The following DHRS1 variants were observed in gnomAD, a reference collection of about 807,000 sequenced individuals.
DHRS1 encodes dehydrogenase/reductase 1.
In DHRS1, 34 loss-of-function variants were observed where a neutral mutation model predicts 35.2. The ratio of observed to expected loss-of-function variants is 0.97; its 90% CI spans 0.74 to 1.29. DHRS1 has a LOEUF of 1.29. DHRS1 is among the 50% of genes most tolerant of loss of function. The pLI, the probability that DHRS1 is intolerant of heterozygous loss-of-function variation, is 0.00. For missense variants in DHRS1, 354 were observed against 403.6 expected, an observed-to-expected ratio of 0.88 and a Z score of 1.05; for synonymous variants, 133 against 160.0, an observed-to-expected ratio of 0.83 and a Z score of 1.27.
chr14:24,297,617 A>G (rs2041274354), intron 2 of DHRS1, among the ~76,000 whole-genome samples: 1 of 152,028 alleles, frequency 6.6e-6, no homozygotes, highest in African/African-American at 2.4e-5. Flanking sequence ...TAAAACACAA[A>G]CCCTGTTCAA....
intron 2 of DHRS1, among the ~76,000 whole-genome samples, chr14:24,297,678 A>G (rs191581866): frequency 1.3e-5 from 2 of 152,302 alleles, no homozygotes; most frequent in Admixed American, 1.3e-4. Flanking sequence ...TGAGTTCTCT[A>G]TTAGGGTCTT....
chr14:24,290,946 C>T lies in DHRS1; in HGVS notation c.855G>A (p.Val285=), dbSNP rs770482024. ...AGGAGGCCAGCCAGCCCAGGCCGGA[C>T]ACGTGTGAGAGAACAGAGCTCAAAG... ...YLSLSSVLSH[V]SGLGWLASYL... is the part of the protein sequence containing the mutation. The change falls in exon 9 of 9, where the codon GTG becomes GTA. Residue 285 remains valine (V), a synonymous_variant. Transcript: ENST00000288111. 5 of 1,614,064 alleles carry T rather than the reference C, an allele frequency of 3.1e-6. No individual in the cohort carries two copies. The highest frequency in any genetic ancestry group is 2.2e-5 in the East Asian group (1 of 44,870).
At chr14:24,297,023 G>T in intron 2 of DHRS1, 142 bp from the exon 3 acceptor site, 3 of 1,110,910 alleles carry the variant, frequency 2.7e-6, no homozygotes, top group Non-Finnish European at 3.9e-6. Context: ...GGCAGGCAAC[G>T]CTGCCCTCTG....
Position 24,296,746 on chromosome 14 carries a change from C to T in DHRS1, c.286G>A (p.Gly96Arg). The change falls in exon 3 of 9, where the codon GGG becomes AGG. Residue 96 changes from glycine to arginine, a missense_variant. By Grantham distance (125) the Gly-to-Arg change is moderately radical. Coordinates refer to ENST00000288111, the MANE Select transcript of DHRS1 (RefSeq NM_001136050.3). ...CAAAGTTCAAAGGGTACCTGGACCC[C>T]TGCATAAGCATTGTTGACCAGCACA... is the stretch of plus-strand genomic sequence containing the variant. ...LDVLVNNAYA[G>R]VQTILNTRNK... The T allele has an allele frequency of 6.2e-7, 1 of 1,614,164 alleles. No homozygotes were observed. Among genetic ancestry groups the T allele is most frequent in the South Asian group, 1.1e-5 (1 of 91,088 alleles).
At chr14:24,291,483 T>A in intron 7 of DHRS1, 73 bp downstream of exon 7, 1 of 1,496,136 alleles carries the variant, frequency 6.7e-7, no homozygotes, top group Non-Finnish European at 9.3e-7. Context: ...CCGAGCCAGA[T>A]CTGGGCACTG....
intron 6 of DHRS1, 165 bp downstream of exon 6, chr14:24,292,019 A>G: frequency 1.1e-6 from 1 of 885,198 alleles, no homozygotes; most frequent in Non-Finnish European, 1.7e-6. Context: ...TGTAGAATGG[A>G]GCTGGTATCT....
At chr14:24,299,186 G>A in intron 1 of DHRS1, 56 bp from the exon 2 acceptor site, 2 of 1,491,606 alleles carry the variant, frequency 1.3e-6, no homozygotes, top group Non-Finnish European at 1.8e-6. Flanking sequence ...GTGTGTTGGG[G>A]CGAGGTTGGG....
intron 4 of DHRS1, chr14:24,293,059 A>G (rs777409982): frequency 7.1e-6 from 3 of 420,622 alleles, no homozygotes; most frequent in Non-Finnish European, 1.3e-5. Flanking sequence ...AAAATTGTTC[A>G]GGGGGAGAAA....
intron 4 of DHRS1, among the ~76,000 whole-genome samples, chr14:24,295,077 G>T (rs984284608): frequency 6.6e-6 from 1 of 152,020 alleles, no homozygotes; most frequent in African/African-American, 2.4e-5. Flanking sequence ...CCTAAGGGAA[G>T]TACATATTCT....
chr14:24,295,656 G>A (rs1323301506), intron 4 of DHRS1, among the ~76,000 whole-genome samples: 1 of 152,214 alleles, frequency 6.6e-6, no homozygotes, highest in Admixed American at 6.5e-5. Flanking sequence ...GGAGGCTATG[G>A]TCATGAACAC....
At chr14:24,299,203 G>T in intron 1 of DHRS1, 73 bp from the exon 2 acceptor site, 1 of 1,401,632 alleles carries the variant, frequency 7.1e-7, no homozygotes, top group South Asian at 1.4e-5. Context: ...TGGGGGGTAG[G>T]GGAGAACCTC....
At chr14:24,292,823 T>TA in intron 4 of DHRS1, 39 bp from the exon 5 acceptor site, 7 of 1,592,652 alleles carry the variant, frequency 4.4e-6, no homozygotes, top group Non-Finnish European at 6.0e-6. Context: ...TGAACCGTGT[T>TA]AGTGCTGGCC....
rs943921243 is a variant in DHRS1, at chr14:24,292,676, G to A, written c.483C>T (p.Val161=). The A allele has an allele frequency of 3.1e-6, 5 of 1,614,096 alleles. No individual in the cohort carries two copies. Among genetic ancestry groups the A allele is most frequent in the African/African-American group, 1.3e-5 (1 of 74,936 alleles). Residue 161 remains valine (V), a synonymous_variant, in exon 5 of 9, where the codon GTC becomes GTT. Coordinates refer to ENST00000288111, the MANE Select transcript of DHRS1 (RefSeq NM_001136050.3). ...CCGCAGCTTTGCCCACACCATAGGG[G>A]ACATTGAACATATACTGCAGGCTTC... ...SPGSLQYMFN[V]PYGVGKAACD...
rs750816919 is a variant in DHRS1 at position 24,292,707 on chromosome 14, G to A, written c.452C>T (p.Ser151Phe). Residue 151 changes from serine (S) to phenylalanine (F), a missense_variant, in exon 5 of 9, where the codon TCC becomes TTC. Physicochemically the swap from Ser to Phe is radical, Grantham distance 155 (BLOSUM62 -2). Transcript: ENST00000288111. ...AGQGLIVVIS[S>F]PGSLQYMFNV... ...GAACATATACTGCAGGCTTCCTGGG[G>A]AGGAGATGACCACGATGAGCCCCTG... The A allele has an allele frequency of 6.0e-5, 97 of 1,614,114 alleles. No individual in the cohort carries two copies. The South Asian group carries it at 8.9e-4, about 15-fold the overall frequency.
intron 6 of DHRS1, 174 bp from the exon 7 acceptor site, chr14:24,291,799 C>T (rs1426626292): frequency 1.5e-6 from 1 of 676,192 alleles, no homozygotes; most frequent in Non-Finnish European, 2.6e-6. Context: ...CACTCCTCCC[C>T]ACATCCAGGT....
At chr14:24,293,706 G>A (rs891992836) in intron 4 of DHRS1, 1 of 151,664 alleles carries the variant, frequency 6.6e-6, no homozygotes, top group Non-Finnish European at 1.5e-5. Flanking sequence ...AAATGCACAG[G>A]GGCCAGGCAT....
chr14:24,290,768 A>G lies in DHRS1; in HGVS notation c.*91T>C. ...TTCTCTTCATATCAAGGGTATGGGT[A>G]AACAAGAAAGGCTGCTGTTTCACTG... On this transcript the variant is annotated 3_prime_UTR_variant, in exon 9 of 9. Transcript: ENST00000288111. 1 of 1,535,336 alleles carries G rather than the reference A, an allele frequency of 6.5e-7. No homozygotes were observed. Among genetic ancestry groups the G allele is most frequent in the South Asian group, 1.2e-5 (1 of 85,838 alleles).
At position 24,290,946 on chromosome 14, in the gene DHRS1, C is replaced by A; in HGVS notation, c.855G>T (p.Val285=). ...YLSLSSVLSH[V]SGLGWLASYL... is the part of the protein sequence containing the mutation. ...AGGAGGCCAGCCAGCCCAGGCCGGA[C>A]ACGTGTGAGAGAACAGAGCTCAAAG... Residue 285 remains valine (V), a synonymous_variant, in exon 9 of 9, where the codon GTG becomes GTT. Transcript: ENST00000288111. The A allele has an allele frequency of 6.2e-7, 1 of 1,614,064 alleles. No individual in the cohort carries two copies. The highest frequency in any genetic ancestry group is 1.7e-5 in the Admixed American group (1 of 60,012).
chr14:24,293,591 A>AATAAATAAATAAATAG (rs1330622783), intron 4 of DHRS1: 1 of 151,668 alleles, frequency 6.6e-6, no homozygotes, highest in African/African-American at 2.4e-5. Context: ...TAAATAAATA[A>AATAAATAAATAAATAG]AAAGAAAGAG....
Sources: allele counts gnomAD v4.1 joint callset (sites outside exome capture counted in the v4.1 genomes callset), GRCh38; gene constraint gnomAD v4.1.1; transcripts MANE v1.5; gene names NCBI Gene and HGNC (gene_info 2026-07-23, HGNC 2026-07-21).